Variants in SH3RF3 observed in about 807,000 individuals in gnomAD.
The protein encoded by SH3RF3 is SH3 domain containing ring finger 3, also known as E3 ubiquitin-protein ligase SH3RF3.
SH3RF3 carries 29 observed loss-of-function variants against 66.3 expected under a neutral mutation model. The ratio of observed to expected loss-of-function variants is 0.44; its 90% CI spans 0.33 to 0.60. SH3RF3 has a LOEUF of 0.60. Among genes scored for constraint, SH3RF3 ranks in the 20% least tolerant of loss-of-function variants. The pLI is 0.04. For missense variants in SH3RF3, 1,194 were observed against 1,190.9 expected (o/e 1.00, Z -0.04); for synonymous variants, 583 against 532.0 (o/e 1.10, Z -1.32).
At chr2:109,336,598 A>G (rs1414934903) in intron 1 of SH3RF3, among the ~76,000 whole-genome samples, 1 of 152,206 alleles carries the variant, frequency 6.6e-6, no homozygotes, top group Non-Finnish European at 1.5e-5. Flanking sequence ...TGTTTCCACC[A>G]CGTTGAGGCA....
chr2:109,130,121 T>C lies in SH3RF3; in HGVS notation c.573+8T>C. 1 of 1,297,230 alleles carries C rather than the reference T, an allele frequency of 7.7e-7. No individual in the cohort carries two copies. Among genetic ancestry groups the C allele is most frequent in the Non-Finnish European group, 9.7e-7 (1 of 1,025,896 alleles). The allele number at this position is 1,297,230 out of a possible 1,614,324, so 80.4% of individuals were successfully genotyped here. A position where few individuals can be genotyped will look rare whatever the true frequency, so the allele number is the denominator to read the frequency against. On this transcript the variant is annotated splice_region_variant and intron_variant, in intron 1 of 9. Transcript: ENST00000309415. ...ACCGCGCCGGCGGCAAAGGTGAGTA[T>C]CTGTCTCGGCGGAAGTGGCCACGGC...
At chr2:109,494,170 A>C (rs1679197717) in intron 9 of SH3RF3, among the ~76,000 whole-genome samples, 1 of 152,202 alleles carries the variant, frequency 6.6e-6, no homozygotes, top group Non-Finnish European at 1.5e-5. Flanking sequence ...CTCAATAAAA[A>C]GTATTGAAAG....
chr2:109,476,746 G>A (rs908954219), intron 8 of SH3RF3, among the ~76,000 whole-genome samples: 2 of 152,196 alleles, frequency 1.3e-5, no homozygotes, highest in Admixed American at 1.3e-4. Flanking sequence ...AAGAATAGCT[G>A]TTCCATAGAC....
intron 8 of SH3RF3, among the ~76,000 whole-genome samples, chr2:109,485,611 G>A (rs964610232): frequency 6.6e-6 from 1 of 152,226 alleles, no homozygotes; most frequent in Non-Finnish European, 1.5e-5. Flanking sequence ...TGTATAGAGT[G>A]TAGTATGAAT....
chr2:109,504,020 A>G lies in SH3RF3; in HGVS notation c.*2349A>G, dbSNP rs928751374. ...GGGTCTGGCCAGAGCTCTGGAGCCA[A>G]TGCCGGGCTGCCTGAGAGCAGAGGA... On this transcript the variant is annotated 3_prime_UTR_variant, in exon 10 of 10. Transcript: ENST00000309415. The G allele has an allele frequency of 6.6e-6, 1 of 152,198 alleles. No individual in the cohort carries two copies. Among genetic ancestry groups the G allele is most frequent in the African/African-American group, 2.4e-5 (1 of 41,444 alleles). 9.4% of individuals were successfully genotyped at this position (152,198 alleles called of 1,614,324 possible).
intron 1 of SH3RF3, among the ~76,000 whole-genome samples, chr2:109,213,952 G>A (rs546764422): frequency 2.6e-5 from 4 of 152,218 alleles, no homozygotes; most frequent in Non-Finnish European, 5.9e-5. Flanking sequence ...GCCCTCAGAG[G>A]CCTGGAGCAG....
At position 109,404,966 on chromosome 2, in the gene SH3RF3, C is replaced by T. The variant is rs1169723198; in HGVS notation, c.1299+6023C>T. On this transcript the variant is annotated intron_variant, in intron 4 of 9. Transcript: ENST00000309415. Reference sequence around the variant, plus strand: ...CCAGTGGAGCCCCGTCCTGGCCCCTCCTGCCAGACCCTCTTTCTAACCCCT... The same window carrying T: ...CCAGTGGAGCCCCGTCCTGGCCCCTTCTGCCAGACCCTCTTTCTAACCCCT... Among the ~76,000 whole-genome samples, 7 of 152,102 alleles carry T rather than the reference C, an allele frequency of 4.6e-5. No individual in the cohort carries two copies. The South Asian group carries it at 1.0e-3, about 23-fold the overall frequency.
rs187836384 is a variant in SH3RF3 at position 109,255,940 on chromosome 2, A to G, written c.574-91734A>G. 1.9e-3 allele frequency among the ~76,000 whole-genome samples: 287 copies of G among 152,318 alleles called. 1 individual carries two copies. The highest frequency in any genetic ancestry group is 6.5e-3 in the African/African-American group (269 of 41,570). On this transcript the variant is annotated intron_variant, in intron 1 of 9. Coordinates refer to ENST00000309415, the MANE Select transcript of SH3RF3 (RefSeq NM_001099289.3). ...GCCTTTGAAAGGAAGGGGAAGAGGA[A>G]GTGTTTTCTTGCTTAGTGAATAGGA...
At chr2:109,157,864 A>G (rs959873566) in intron 1 of SH3RF3, among the ~76,000 whole-genome samples, 2 of 151,956 alleles carry the variant, frequency 1.3e-5, no homozygotes, top group African/African-American at 4.8e-5. Context: ...AAGGCCACAC[A>G]GCTCTCCTAG....
intron 1 of SH3RF3, among the ~76,000 whole-genome samples, chr2:109,306,662 C>G (rs6542812): frequency 2.0e-5 from 3 of 152,016 alleles, no homozygotes; most frequent in Non-Finnish European, 2.9e-5. Context: ...GTCGGTGGAC[C>G]CCAAATGCCC....
chr2:109,419,672 C>T, intron 5 of SH3RF3, 30 bp downstream of exon 5: 2 of 1,545,876 alleles, frequency 1.3e-6, no homozygotes, highest in Non-Finnish European at 8.7e-7. Flanking sequence ...TGTCGGGGTC[C>T]TGTGCCTGCA....
At chr2:109,326,194 G>A (rs940909231) in intron 1 of SH3RF3, among the ~76,000 whole-genome samples, 1 of 152,152 alleles carries the variant, frequency 6.6e-6, no homozygotes, top group African/African-American at 2.4e-5. Flanking sequence ...GCCTCAGAAG[G>A]TGTTTTTCTG....
At position 109,408,901 on chromosome 2, in the gene SH3RF3, A is replaced by T. The variant is rs147608352; in HGVS notation, c.1299+9958A>T. 1.9e-3 allele frequency among the ~76,000 whole-genome samples: 293 copies of T among 152,300 alleles called. 2 individuals carry two copies. The highest frequency in any genetic ancestry group is 0.017 in the South Asian group (83 of 4,816). On this transcript the variant is annotated intron_variant, in intron 4 of 9. Coordinates refer to ENST00000309415, the MANE Select transcript of SH3RF3 (RefSeq NM_001099289.3). ...TTCCTACCATCAGAGGCAACAGGCG[A>T]GTGAGAGCTGTGAGGAAGGCCATGA...
At chr2:109,168,438 C>G (rs570860571) in intron 1 of SH3RF3, among the ~76,000 whole-genome samples, 2 of 152,124 alleles carry the variant, frequency 1.3e-5, no homozygotes, top group Non-Finnish European at 2.9e-5. Flanking sequence ...CCTGTGCTTG[C>G]GAGATGGGCT....
At chr2:109,221,551 CA>C (rs1679241869) in intron 1 of SH3RF3, among the ~76,000 whole-genome samples, 1 of 145,120 alleles carries the variant, frequency 6.9e-6, no homozygotes, top group Non-Finnish European at 1.5e-5. Flanking sequence ...CAGTGCACTC[CA>C]GCCTGGGTGA....
chr2:109,335,789 T>G (rs920924056), intron 1 of SH3RF3, among the ~76,000 whole-genome samples: 1 of 152,224 alleles, frequency 6.6e-6, no homozygotes, highest in Non-Finnish European at 1.5e-5. Context: ...ATAAATGTCC[T>G]AAAACCACTT....
chr2:109,290,319 G>A (rs192836992), intron 1 of SH3RF3, among the ~76,000 whole-genome samples: 40 of 152,334 alleles, frequency 2.6e-4, no homozygotes, highest in African/African-American at 8.9e-4. Context: ...CCCCAGGCAC[G>A]TAATACATAC....
chr2:109,321,004 A>G (rs1249661096), intron 1 of SH3RF3, among the ~76,000 whole-genome samples: 1 of 152,240 alleles, frequency 6.6e-6, no homozygotes, highest in East Asian at 1.9e-4. Flanking sequence ...CTACATACCT[A>G]CATAGATTGT....
intron 8 of SH3RF3, among the ~76,000 whole-genome samples, chr2:109,462,463 C>T (rs1678231835): frequency 6.6e-6 from 1 of 152,142 alleles, no homozygotes; most frequent in Non-Finnish European, 1.5e-5. Flanking sequence ...TGATAATCCT[C>T]TGTCATTCTC....
Sources: allele counts gnomAD v4.1 joint callset (sites outside exome capture counted in the v4.1 genomes callset), GRCh38; gene constraint gnomAD v4.1.1; transcripts MANE v1.5; gene names NCBI Gene and HGNC (gene_info 2026-07-23, HGNC 2026-07-21).